EPM2A: variants seen among roughly 807,000 people sequenced by gnomAD.
The protein encoded by EPM2A is laforin.
Under a neutral mutation model 26.5 loss-of-function variants are expected in EPM2A, and 21 were observed. The observed-to-expected ratio is 0.79, with a 90% CI of 0.56 to 1.14. The LOEUF is 1.14. EPM2A is among the 50% of genes most tolerant of loss of function. EPM2A has a pLI of 0.00. For missense variants in EPM2A, 458 were observed against 440.8 expected (o/e 1.04, Z -0.35); for synonymous variants, 217 against 177.6 (o/e 1.22, Z -1.76).
chr6:145,392,407 T>G (rs1046579521), intron 4 of EPM2A, among the ~76,000 whole-genome samples: 1 of 152,160 alleles, frequency 6.6e-6, no homozygotes, highest in African/African-American at 2.4e-5. Context: ...CAGAGGAAGA[T>G]GCTGTGTCTC....
At chr6:145,700,417 T>C (rs2128624851) in intron 1 of EPM2A, among the ~76,000 whole-genome samples, 1 of 152,248 alleles carries the variant, frequency 6.6e-6, no homozygotes, top group South Asian at 2.1e-4. Flanking sequence ...AATTTCCCTA[T>C]TCATAGCCTG....
At chr6:145,426,027 T>C (rs532667672) in intron 4 of EPM2A, among the ~76,000 whole-genome samples, 1 of 152,246 alleles carries the variant, frequency 6.6e-6, no homozygotes, top group South Asian at 2.1e-4. Flanking sequence ...TTATACAATT[T>C]TTAAAATTAT....
At chr6:145,417,630 C>T (rs888346698) in intron 4 of EPM2A, among the ~76,000 whole-genome samples, 1 of 152,160 alleles carries the variant, frequency 6.6e-6, no homozygotes, top group Non-Finnish European at 1.5e-5. Flanking sequence ...AATTTCATCA[C>T]TCCATTTTAC....
chr6:145,680,904 C>A (rs1457218258), intron 2 of EPM2A, among the ~76,000 whole-genome samples: 1 of 151,392 alleles, frequency 6.6e-6, no homozygotes, highest in African/African-American at 2.4e-5. Context: ...TGGGTATATA[C>A]CCAGTAATGG....
At chr6:145,645,169 C>T (rs1163689981) in intron 2 of EPM2A, among the ~76,000 whole-genome samples, 3 of 152,294 alleles carry the variant, frequency 2.0e-5, no homozygotes, top group Non-Finnish European at 4.4e-5. Context: ...GCATACCTAG[C>T]TTCTATTGAG....
intron 1 of EPM2A, among the ~76,000 whole-genome samples, chr6:145,720,646 T>C (rs986575029): frequency 6.6e-6 from 1 of 152,180 alleles, no homozygotes; most frequent in South Asian, 2.1e-4. Flanking sequence ...ACAGATAGAC[T>C]TTTGCTGACT....
At chr6:145,635,553 A>C (rs1776598215) in intron 2 of EPM2A, 67 bp from the exon 3 acceptor site, 1 of 1,489,716 alleles carries the variant, frequency 6.7e-7, no homozygotes. Flanking sequence ...GGAGCTGCAT[A>C]AAACATGTAG....
chr6:145,478,446 C>G (rs1233799104), intron 4 of EPM2A, among the ~76,000 whole-genome samples: 2 of 151,870 alleles, frequency 1.3e-5, no homozygotes, highest in East Asian at 3.9e-4. Flanking sequence ...GTATATGGAA[C>G]CACGAAAGAC....
chr6:145,461,850 A>T (rs1397593487), intron 4 of EPM2A, among the ~76,000 whole-genome samples: 1 of 152,134 alleles, frequency 6.6e-6, no homozygotes, highest in Middle Eastern at 3.2e-3. Flanking sequence ...AAAGGGGAAA[A>T]ATCTTCAAGG....
At chr6:145,596,728 C>T (rs1330611728) in intron 2 of EPM2A, among the ~76,000 whole-genome samples, 2 of 152,050 alleles carry the variant, frequency 1.3e-5, no homozygotes, top group Admixed American at 1.3e-4. Context: ...ACTGATAGTT[C>T]ATTAGTTCTT....
chr6:145,413,035 T>C (rs1778664184), intron 4 of EPM2A, among the ~76,000 whole-genome samples: 1 of 152,180 alleles, frequency 6.6e-6, no homozygotes, highest in Non-Finnish European at 1.5e-5. Context: ...GGATTTGCTC[T>C]TTATGACATC....
intron 2 of EPM2A, among the ~76,000 whole-genome samples, chr6:145,575,037 T>C (rs1781011545): frequency 6.6e-6 from 1 of 152,172 alleles, no homozygotes; most frequent in South Asian, 2.1e-4. Context: ...GTTATAGGTC[T>C]AGAAGCAGAC....
At chr6:145,567,317 T>G (rs936406102) in intron 2 of EPM2A, among the ~76,000 whole-genome samples, 1 of 152,228 alleles carries the variant, frequency 6.6e-6, no homozygotes, top group South Asian at 2.1e-4. Flanking sequence ...CTTCCATATT[T>G]TTTATACTGT....
At chr6:145,726,739 T>C (rs1416615196) in intron 1 of EPM2A, among the ~76,000 whole-genome samples, 4 of 152,108 alleles carry the variant, frequency 2.6e-5, no homozygotes, top group African/African-American at 9.7e-5. Flanking sequence ...TATTCAAAAC[T>C]TTTAAGGTCA....
chr6:145,585,187 T>C (rs1031798778), intron 2 of EPM2A, among the ~76,000 whole-genome samples: 1 of 152,180 alleles, frequency 6.6e-6, no homozygotes, highest in African/African-American at 2.4e-5. Flanking sequence ...AGACTTTCTC[T>C]TCATCATGAG....
chr6:145,533,241 T>C (rs1005890843), intron 2 of EPM2A, among the ~76,000 whole-genome samples: 4 of 152,194 alleles, frequency 2.6e-5, no homozygotes, highest in African/African-American at 9.7e-5. Context: ...TCCTGTTGAC[T>C]CTATTTCCTT....
chr6:145,592,919 A>G (rs1185094785), intron 2 of EPM2A, among the ~76,000 whole-genome samples: 1 of 152,182 alleles, frequency 6.6e-6, no homozygotes, highest in African/African-American at 2.4e-5. Flanking sequence ...ATAAATAGAA[A>G]ACAATAACAA....
intron 4 of EPM2A, among the ~76,000 whole-genome samples, chr6:145,395,927 A>G (rs1003388785): frequency 6.6e-6 from 1 of 152,166 alleles, no homozygotes; most frequent in Non-Finnish European, 1.5e-5. Context: ...CCCAACAGGT[A>G]GAACTGCATG....
intron 4 of EPM2A, among the ~76,000 whole-genome samples, chr6:145,493,664 C>T (rs929645850): frequency 1.3e-5 from 2 of 152,120 alleles, no homozygotes; most frequent in Non-Finnish European, 2.9e-5. Context: ...TATGTTCTTT[C>T]AATACCTAGT....
Sources: allele counts gnomAD v4.1 joint callset (sites outside exome capture counted in the v4.1 genomes callset), GRCh38; gene constraint gnomAD v4.1.1; transcripts MANE v1.5; gene names NCBI Gene and HGNC (gene_info 2026-07-23, HGNC 2026-07-21).